The following TMTC2 variants were observed in gnomAD, a reference collection of about 807,000 sequenced individuals.
The protein encoded by TMTC2 is protein O-mannosyl-transferase TMTC2.
Under a neutral mutation model 82.4 loss-of-function variants are expected in TMTC2, and 43 were observed. The observed-to-expected ratio is 0.52, with a 90% CI of 0.41 to 0.67. The LOEUF is 0.67. Among genes scored for constraint, TMTC2 ranks in the 30% least tolerant of loss-of-function variants. The probability of loss-of-function intolerance (pLI) is 0.00; values close to 1 mark genes in which losing one functional copy is unlikely to be tolerated. For synonymous variants in TMTC2, 408 were observed against 381.9 expected (o/e 1.07, Z -0.80); for missense variants, 919 against 1,012.4 (o/e 0.91, Z 1.25).
intron 1 of TMTC2, among the ~76,000 whole-genome samples, chr12:82,753,966 A>T (rs1260698230): frequency 6.6e-6 from 1 of 152,220 alleles, no homozygotes; most frequent in East Asian, 1.9e-4. Flanking sequence ...TTTTCCAGGC[A>T]TTGGGGCATT....
chr12:82,893,242 G>A (rs747793314), intron 2 of TMTC2, among the ~76,000 whole-genome samples: 3 of 151,798 alleles, frequency 2.0e-5, no homozygotes, highest in Admixed American at 6.6e-5. Flanking sequence ...ATGGTGGCAC[G>A]TGCCTGTAGT....
chr12:82,784,075 T>A (rs1247325857), intron 1 of TMTC2, among the ~76,000 whole-genome samples: 1 of 152,064 alleles, frequency 6.6e-6, no homozygotes, highest in African/African-American at 2.4e-5. Flanking sequence ...CTGGAGTGGT[T>A]CTTTTTTTTA....
chr12:82,941,043 GA>G (rs929805942), intron 4 of TMTC2, among the ~76,000 whole-genome samples: 1 of 151,986 alleles, frequency 6.6e-6, no homozygotes, highest in Non-Finnish European at 1.5e-5. Flanking sequence ...CCATAACGGA[GA>G]ATACATAAAT....
At chr12:82,878,557 G>C (rs917521471) in intron 2 of TMTC2, among the ~76,000 whole-genome samples, 1 of 152,106 alleles carries the variant, frequency 6.6e-6, no homozygotes, top group Non-Finnish European at 1.5e-5. Context: ...TGATACAGGG[G>C]GCAGTACCAC....
chr12:83,085,110 G>A lies in TMTC2; in HGVS notation c.2331+23279G>A, dbSNP rs955835029. 6.6e-5 allele frequency among the ~76,000 whole-genome samples: 10 copies of A among 152,140 alleles called. 1 individual carries two copies. Among genetic ancestry groups the A allele is most frequent in the Admixed American group, 3.3e-4 (5 of 15,278 alleles). On this transcript the variant is annotated intron_variant, in intron 11 of 11. Transcript: ENST00000321196. ...TCATTGAACCCTCTCCATCATGGGC[G>A]AAGAGCTCTCTATTTTAATCCTCTC...
At chr12:83,048,325 T>C (rs1414862207) in intron 9 of TMTC2, among the ~76,000 whole-genome samples, 2 of 152,202 alleles carry the variant, frequency 1.3e-5, no homozygotes. Flanking sequence ...TCATTTCATA[T>C]CTGTATCTGT....
At chr12:82,895,504 G>A (rs1731903860) in intron 2 of TMTC2, among the ~76,000 whole-genome samples, 1 of 151,774 alleles carries the variant, frequency 6.6e-6, no homozygotes, top group Admixed American at 6.6e-5. Context: ...ATTCTGAAAG[G>A]GAAATAAATA....
chr12:82,997,598 A>G (rs1879725768), intron 8 of TMTC2, among the ~76,000 whole-genome samples: 1 of 150,782 alleles, frequency 6.6e-6, no homozygotes, highest in Non-Finnish European at 1.5e-5. Flanking sequence ...TTAAGTAAGA[A>G]TAAAAAGAAG....
At chr12:82,739,768 A>G (rs949746789) in intron 1 of TMTC2, among the ~76,000 whole-genome samples, 7 of 148,812 alleles carry the variant, frequency 4.7e-5, no homozygotes, top group South Asian at 2.2e-4. Flanking sequence ...AAGTTTATCT[A>G]TCTTTATGTG....
chr12:82,822,104 A>G (rs537170973), intron 1 of TMTC2, among the ~76,000 whole-genome samples: 1 of 152,314 alleles, frequency 6.6e-6, no homozygotes, highest in East Asian at 1.9e-4. Context: ...ACTGTATGAC[A>G]TTCTGGAAAA....
chr12:83,002,747 C>T (rs1481146554), intron 8 of TMTC2, among the ~76,000 whole-genome samples: 1 of 150,424 alleles, frequency 6.6e-6, no homozygotes, highest in Non-Finnish European at 1.5e-5. Context: ...ATTTTTATTG[C>T]ACTGTGGTCT....
chr12:82,821,966 C>T (rs182821743), intron 1 of TMTC2, among the ~76,000 whole-genome samples: 121 of 150,738 alleles, frequency 8.0e-4, no homozygotes, highest in African/African-American at 2.8e-3. Flanking sequence ...CACTCCTTTA[C>T]AATGGAGTAT....
chr12:82,783,602 A>C (rs1451121770), intron 1 of TMTC2, among the ~76,000 whole-genome samples: 2 of 152,108 alleles, frequency 1.3e-5, no homozygotes, highest in Admixed American at 1.3e-4. Flanking sequence ...TTATGATTTC[A>C]TCTGGGTTTA....
rs79723185 is a variant in TMTC2, at chr12:82,970,321, T to C, written c.1948+3324T>C. On this transcript the variant is annotated intron_variant, in intron 7 of 11. Transcript: ENST00000321196. ...ATAACGGGACTTTCCATTGTAATTA[T>C]CATCATTTCCTTAGGCTTTTTGAGA... 3.9e-4 allele frequency among the ~76,000 whole-genome samples: 60 copies of C among 152,400 alleles called. No homozygotes were observed. The East Asian group carries it at 0.011, about 27-fold the overall frequency.
At position 82,965,621 on chromosome 12, in the gene TMTC2, G is replaced by A. The variant is rs1878162989; in HGVS notation, c.1746G>A (p.Arg582=). 2 of 1,613,676 alleles carry A rather than the reference G, an allele frequency of 1.2e-6. No individual in the cohort carries two copies. Among genetic ancestry groups the A allele is most frequent in the Non-Finnish European group, 1.7e-6 (2 of 1,179,778 alleles). The change falls in exon 6 of 12, where the codon CGG becomes CGA. Residue 582 remains arginine (R), a synonymous_variant. Transcript: ENST00000321196. The part of the protein sequence containing the change: ...MNQGRTEEAR[R]TFLKCSEIPD... ...AAGGAAGGACGGAAGAAGCCCGACG[G>A]ACATTCTTAAAGTGTTCGGAGATCC...
intron 11 of TMTC2, among the ~76,000 whole-genome samples, chr12:83,111,665 A>G (rs1884605061): frequency 1.3e-5 from 2 of 152,000 alleles, no homozygotes; most frequent in African/African-American, 2.4e-5. Context: ...TTTCTTATCT[A>G]TGTCTTACAA....
intron 1 of TMTC2, among the ~76,000 whole-genome samples, chr12:82,793,374 T>TC (rs1878559455): frequency 6.6e-6 from 1 of 151,566 alleles, no homozygotes; most frequent in African/African-American, 2.4e-5. Flanking sequence ...TTTTCTTTTT[T>TC]TTTTTTTCAA....
chr12:82,862,129 A>C (rs2137122370), intron 2 of TMTC2, among the ~76,000 whole-genome samples: 1 of 152,290 alleles, frequency 6.6e-6, no homozygotes, highest in South Asian at 2.1e-4. Flanking sequence ...TCACTCACTT[A>C]GTTTTATGTG....
chr12:83,125,283 G>T (rs928966534), intron 11 of TMTC2, among the ~76,000 whole-genome samples: 3 of 152,120 alleles, frequency 2.0e-5, no homozygotes, highest in African/African-American at 4.8e-5. Context: ...TAGAAGTAGT[G>T]GCTATCTGGT....
Sources: allele counts gnomAD v4.1 joint callset (sites outside exome capture counted in the v4.1 genomes callset), GRCh38; gene constraint gnomAD v4.1.1; transcripts MANE v1.5; gene names NCBI Gene and HGNC (gene_info 2026-07-23, HGNC 2026-07-21).